NDRG2: variants seen among roughly 807,000 people sequenced by gnomAD.
The protein encoded by NDRG2 is protein NDRG2.
NDRG2 carries 34 observed loss-of-function variants against 58.2 expected under a neutral mutation model. The observed-to-expected ratio is 0.58, with a 90% CI of 0.44 to 0.78. The LOEUF (loss-of-function observed/expected upper bound fraction) is 0.78. Ranked by LOEUF, NDRG2 falls within the 30% of genes least tolerant of loss-of-function variation. The pLI is 0.00. For synonymous variants in NDRG2, 187 were observed against 175.9 expected, an observed-to-expected ratio of 1.06 and a Z score of -0.50; for missense variants, 434 against 471.2, an observed-to-expected ratio of 0.92 and a Z score of 0.73.
chr14:21,061,184 T>C (rs1417916660), intron 1 of NDRG2, among the ~76,000 whole-genome samples: 1 of 152,236 alleles, frequency 6.6e-6, no homozygotes, highest in Non-Finnish European at 1.5e-5. Flanking sequence ...CTCTGTTGAA[T>C]GTTAATTTTC....
At chr14:21,060,688 C>CCCAAAACA (rs1294898507) in intron 1 of NDRG2, among the ~76,000 whole-genome samples, 2 of 152,190 alleles carry the variant, frequency 1.3e-5, no homozygotes, top group Non-Finnish European at 2.9e-5. Context: ...GGCATCTCAA[C>CCCAAAACA]CCAAAACACT....
In NDRG2 at chr14:21,070,705, C is replaced by A. The variant is rs1408623830; in HGVS notation, c.24+123G>T. 1.7e-6 allele frequency: 2 copies of A among 1,164,476 alleles called. No individual in the cohort carries two copies. Among genetic ancestry groups the A allele is most frequent in the South Asian group, 1.4e-5 (1 of 72,700 alleles). The allele number at this position is 1,164,476 out of a possible 1,614,324, so 72.1% of individuals were successfully genotyped here. A position where few individuals can be genotyped will look rare whatever the true frequency, so the allele number is the denominator to read the frequency against. On this transcript the variant is annotated intron_variant, in intron 1 of 14. Coordinates refer to the NDRG2 transcript ENST00000403829. This position sits in a 1 kb window ranked among gnomAD's most constrained non-coding sequence, Gnocchi z 4.7. ...CCGCCCTCCTCTGTCCTGACCTGTG[C>A]CTTCCTTTCCTGGAGCTTCCCTCCC...
intron 1 of NDRG2, chr14:21,032,113 C>G: frequency 1.3e-6 from 2 of 1,597,482 alleles, no homozygotes; most frequent in Non-Finnish European, 1.7e-6. Flanking sequence ...GCCCCCTGAC[C>G]CTGCATGTTT....
At chr14:21,021,785 C>G (rs1213925516) in intron 6 of NDRG2, 32 bp downstream of exon 6, 2 of 1,603,240 alleles carry the variant, frequency 1.2e-6, no homozygotes, top group East Asian at 4.5e-5. Flanking sequence ...GGAAAGAGAA[C>G]TCTGGTTTGG....
At chr14:21,031,273 C>A in intron 1 of NDRG2, 1 of 1,419,022 alleles carries the variant, frequency 7.0e-7, no homozygotes, top group Non-Finnish European at 9.5e-7. Context: ...AGGGCCGAAA[C>A]AGACTTTAGA....
chr14:21,064,745 T>C (rs1185105455), intron 1 of NDRG2, among the ~76,000 whole-genome samples: 1 of 152,252 alleles, frequency 6.6e-6, no homozygotes, highest in Non-Finnish European at 1.5e-5. Flanking sequence ...GTTTCTGGGT[T>C]TGTACATCAA....
chr14:21,043,721 C>A (rs895509098), intron 1 of NDRG2: 6 of 435,888 alleles, frequency 1.4e-5, no homozygotes, highest in African/African-American at 1.0e-4. Context: ...TGGTCTATGC[C>A]ATTGCACATG....
chr14:21,044,076 A>G (rs1273151709), intron 1 of NDRG2: 1 of 168,076 alleles, frequency 5.9e-6, no homozygotes, highest in Non-Finnish European at 1.5e-5. Context: ...TGCTCTAAAT[A>G]CAGTGTACCT....
At position 21,032,366 on chromosome 14, in the gene NDRG2, G is replaced by A. The variant is rs1168975741; in HGVS notation, c.25-9045C>T. ...AAGAATATATTTGGAGTAAAGAGAT[G>A]AACCAGATGTGGAGGTAAAAGTATC... On this transcript the variant is annotated intron_variant, in intron 1 of 14. Transcript: ENST00000403829. 3 of 506,960 alleles carry A rather than the reference G, an allele frequency of 5.9e-6. No homozygotes were observed. The East Asian group carries it at 1.4e-4, about 24-fold the overall frequency. 31.4% of individuals were successfully genotyped at this position (506,960 alleles called of 1,614,324 possible). A position where few individuals can be genotyped will look rare whatever the true frequency, so the allele number is the denominator to read the frequency against.
chr14:21,030,828 G>A (rs1393400306), upstream of NDRG2: 1 of 1,562,676 alleles, frequency 6.4e-7, no homozygotes, highest in Admixed American at 1.8e-5. Context: ...GGTTCACGTG[G>A]TGGAACATTT....
upstream of NDRG2, chr14:21,025,371 C>G (rs1432895296): frequency 1.0e-6 from 1 of 985,540 alleles, no homozygotes; most frequent in African/African-American, 1.7e-5. This position sits in a 1 kb window ranked among gnomAD's most constrained non-coding sequence, Gnocchi z 5.1. Context: ...CTCGGCTGCC[C>G]TCAGCACCGC....
rs71416997 is a variant in NDRG2 at position 21,062,708 on chromosome 14, A to AGTGTGTGTGTGTGTGTGTGTGT, written c.24+8098_24+8119dup. Reference sequence around the variant, plus strand: ...AATGTAAACAAAACAGGCTGGGCACAGTGTGTGTGTGTGTGTGTGTGTGTG... The same window carrying AGTGTGTGTGTGTGTGTGTGTGT: ...AATGTAAACAAAACAGGCTGGGCACAGTGTGTGTGTGTGTGTGTGTGTGTGTGTGTGTGTGTGTGTGTGTGTG... On this transcript the variant is annotated intron_variant, in intron 1 of 14. Transcript: ENST00000403829. Among the ~76,000 whole-genome samples, 1,114 of 130,998 alleles carry AGTGTGTGTGTGTGTGTGTGTGT rather than the reference A, an allele frequency of 8.5e-3. 20 individuals carry two copies. Among genetic ancestry groups the AGTGTGTGTGTGTGTGTGTGTGT allele is most frequent in the South Asian group, 0.02 (74 of 3,736 alleles). The allele number at this position is 130,998 out of a possible 152,430, so 85.9% of individuals were successfully genotyped here. A position where few individuals can be genotyped will look rare whatever the true frequency, so the allele number is the denominator to read the frequency against.
Position 21,023,244 on chromosome 14 carries a change from G to A in NDRG2, c.72C>T (p.Ala24=), listed in dbSNP as rs1881771663. 2 of 1,613,588 alleles carry A rather than the reference G, an allele frequency of 1.2e-6. No individual in the cohort carries two copies. The highest frequency in any genetic ancestry group is 8.5e-7 in the Non-Finnish European group (1 of 1,179,784). The change falls in exon 2 of 16, where the codon GCC becomes GCT. Residue 24 remains alanine, a synonymous_variant. Coordinates refer to ENST00000556147, the MANE Select transcript of NDRG2 (RefSeq NM_001320329.2). ...PLLPGQTPEA[A]KEAELAARIL... ...GAGTCAAACGGTCTCTAATAACCTT[G>A]GCCGCCTCAGGCGTCTGTCCTGGCA...
rs1457374701 is a variant in NDRG2 at position 21,019,124 on chromosome 14, G to T, written c.753C>A (p.Ile251=). Residue 251 remains isoleucine (I), a synonymous_variant, in exon 11 of 16, where the codon ATC becomes ATA. Transcript: ENST00000556147. ...RDLNFERGGD[I]TLRCPVMLVV... is the part of the protein sequence containing the mutation. ...ATCTCTTAAAGTCTTACCTGAGGGT[G>T]ATATCACCTCCACGCTCAAAGTTCA... 6.8e-6 allele frequency: 11 copies of T among 1,610,766 alleles called. No individual in the cohort carries two copies. The South Asian group carries it at 1.2e-4, about 18-fold the overall frequency.
chr14:21,062,708 A>AGTGTGTGTGTGT (rs71416997), intron 1 of NDRG2, among the ~76,000 whole-genome samples: 5,889 of 130,932 alleles, frequency 0.045, 177 homozygotes, highest in African/African-American at 0.059. Flanking sequence ...GGCTGGGCAC[A>AGTGTGTGTGTGT]GTGTGTGTGT....
intron 1 of NDRG2, among the ~76,000 whole-genome samples, chr14:21,039,871 A>C (rs1884811288): frequency 6.6e-6 from 1 of 152,176 alleles, no homozygotes; most frequent in Admixed American, 6.5e-5. Flanking sequence ...AAACTAGGAT[A>C]ATTATAATAT....
At chr14:21,035,812 C>T (rs191651038) in intron 1 of NDRG2, 1 of 456,284 alleles carries the variant, frequency 2.2e-6, no homozygotes, top group East Asian at 6.9e-5. Context: ...GTTACCTATG[C>T]AAGAAACCTG....
At chr14:21,054,071 A>G (rs937818193) in intron 1 of NDRG2, among the ~76,000 whole-genome samples, 1 of 152,170 alleles carries the variant, frequency 6.6e-6, no homozygotes, top group African/African-American at 2.4e-5. Context: ...AACCCCATAT[A>G]AAAACAAGAT....
intron 1 of NDRG2, among the ~76,000 whole-genome samples, chr14:21,062,345 G>T (rs1210784324): frequency 1.3e-5 from 2 of 152,156 alleles, no homozygotes; most frequent in Non-Finnish European, 2.9e-5. Context: ...GAAGCTCAAG[G>T]CTCAGGCTCA....
Sources: allele counts gnomAD v4.1 joint callset (sites outside exome capture counted in the v4.1 genomes callset), GRCh38; gene constraint gnomAD v4.1.1; non-coding constraint Gnocchi (gnomAD v3.1); transcripts MANE v1.5; gene names NCBI Gene and HGNC (gene_info 2026-07-23, HGNC 2026-07-21).